The following MME variants were observed in gnomAD, a reference collection of about 807,000 sequenced individuals.
MME encodes neprilysin.
Under a neutral mutation model 113.2 loss-of-function variants are expected in MME, and 98 were observed. The ratio of observed to expected loss-of-function variants is 0.87; its 90% CI spans 0.74 to 1.02. The LOEUF (loss-of-function observed/expected upper bound fraction) is 1.02. Among genes scored for constraint, MME ranks in the 50% least tolerant of loss-of-function variants. MME has a pLI of 0.00. For synonymous variants in MME, 292 were observed against 300.6 expected, an observed-to-expected ratio of 0.97 and a Z score of 0.30; for missense variants, 836 against 896.0, an observed-to-expected ratio of 0.93 and a Z score of 0.86.
intron 16 of MME, chr3:155,159,094 G>A (rs572929108): frequency 6.6e-6 from 1 of 151,956 alleles, no homozygotes; most frequent in African/African-American, 2.4e-5. Flanking sequence ...GAATTTATCA[G>A]TCAGTTGTTA....
At chr3:155,153,066 T>TCACTCTGTCACCCAGGTTGGAGTGC (rs1722053013) in intron 16 of MME, among the ~76,000 whole-genome samples, 1 of 150,990 alleles carries the variant, frequency 6.6e-6, no homozygotes, top group Admixed American at 6.6e-5. Flanking sequence ...AGACGGAGTC[T>TCACTCTGTCACCCAGGTTGGAGTGC]CACTCTGTCA....
In MME at chr3:155,168,809, A is replaced by C; in HGVS notation, c.1980+12A>C. The stretch of plus-strand genomic sequence containing the variant: ...GTCAAGCATACAGAGTAAGTAAAAA[A>C]GATTTTCTTTCCATTTTAGTGATTT... On this transcript the variant is annotated intron_variant, in intron 20 of 22. Transcript: ENST00000360490. The C allele has an allele frequency of 6.2e-7, 1 of 1,602,842 alleles. No homozygotes were observed. The highest frequency in any genetic ancestry group is 2.2e-5 in the East Asian group (1 of 44,704).
intron 1 of MME, among the ~76,000 whole-genome samples, chr3:155,038,378 C>G (rs1032693654): frequency 6.6e-6 from 1 of 152,190 alleles, no homozygotes; most frequent in Non-Finnish European, 1.5e-5. Context: ...CCCACCAACC[C>G]TGGCTCTGCT....
intron 1 of MME, among the ~76,000 whole-genome samples, chr3:155,036,689 C>A (rs1450750997): frequency 6.6e-6 from 1 of 151,966 alleles, no homozygotes; most frequent in Non-Finnish European, 1.5e-5. Flanking sequence ...TAATGTGTAA[C>A]AAATATTTTC....
intron 1 of MME, among the ~76,000 whole-genome samples, chr3:155,042,900 T>TTATATATATATATATATA (rs1159626877): frequency 1.3e-4 from 8 of 62,954 alleles, no homozygotes; most frequent in Non-Finnish European, 2.0e-4. Context: ...ATAGTAGGTT[T>TTATATATATATATATATA]TATATATATA....
chr3:155,138,377 C>A, intron 9 of MME, 141 bp downstream of exon 9: 2 of 796,418 alleles, frequency 2.5e-6, no homozygotes, highest in Non-Finnish European at 4.0e-6. Flanking sequence ...AGATCATTGA[C>A]TTCAAAAGGA....
intron 8 of MME, among the ~76,000 whole-genome samples, chr3:155,119,737 C>T (rs1718958617): frequency 1.3e-5 from 2 of 150,040 alleles, no homozygotes; most frequent in East Asian, 2.0e-4. Context: ...CTACAAAGGA[C>T]ATGAACTCAT....
At position 155,147,128 on chromosome 3, in the gene MME, A is replaced by G. The variant is rs199987513; in HGVS notation, c.1417-16A>G. 2 of 1,501,680 alleles carry G rather than the reference A, an allele frequency of 1.3e-6. No homozygotes were observed. Among genetic ancestry groups the G allele is most frequent in the Non-Finnish European group, 1.9e-6 (2 of 1,077,730 alleles). 93.0% of individuals were successfully genotyped at this position (1,501,680 alleles called of 1,614,324 possible). A position where few individuals can be genotyped will look rare whatever the true frequency, so the allele number is the denominator to read the frequency against. ...TTATATAATCATCTTCACATTCAAT[A>G]TTATAATTTTCATAGGCCTTAGCAA... On this transcript the variant is annotated splice_polypyrimidine_tract_variant and intron_variant, in intron 14 of 22. Coordinates refer to ENST00000360490, the MANE Select transcript of MME (RefSeq NM_007289.4).
intron 16 of MME, chr3:155,158,285 C>T (rs983643351): frequency 2.6e-5 from 4 of 151,972 alleles, no homozygotes; most frequent in African/African-American, 9.7e-5. Flanking sequence ...ACCAGAAGTT[C>T]GCAATTGAGA....
chr3:155,124,151 C>T (rs1330704195), intron 8 of MME, among the ~76,000 whole-genome samples: 1 of 150,180 alleles, frequency 6.7e-6, no homozygotes, highest in Non-Finnish European at 1.5e-5. Context: ...CTTCCCTTCT[C>T]GCTTCATTTC....
At position 155,143,344 on chromosome 3, in the gene MME, T is replaced by C. The variant is rs976940934; in HGVS notation, c.1189-99T>C. 3 of 1,390,962 alleles carry C rather than the reference T, an allele frequency of 2.2e-6. No homozygotes were observed. In the African/African-American group the frequency reaches 4.3e-5, roughly 20 times the overall value. 86.2% of individuals were successfully genotyped at this position (1,390,962 alleles called of 1,614,324 possible). A position where few individuals can be genotyped will look rare whatever the true frequency, so the allele number is the denominator to read the frequency against. ...GCCTTGTGAGGAGAAGTGATGAATA[T>C]TTCAAGAACTTAGATGAGACATTTG... is the stretch of plus-strand genomic sequence containing the variant. On this transcript the variant is annotated intron_variant, in intron 12 of 22. Transcript: ENST00000360490.
intron 3 of MME, among the ~76,000 whole-genome samples, chr3:155,108,771 C>G (rs548534255): frequency 2.6e-5 from 4 of 152,206 alleles, no homozygotes; most frequent in African/African-American, 9.6e-5. Flanking sequence ...AACCCTCCCC[C>G]CTCCACCAGA....
chr3:155,082,783 A>G (rs1360139722), intron 1 of MME, among the ~76,000 whole-genome samples: 1 of 152,150 alleles, frequency 6.6e-6, no homozygotes, highest in Non-Finnish European at 1.5e-5. Context: ...TTCACTGGGA[A>G]GGTTAATTTC....
intron 1 of MME, among the ~76,000 whole-genome samples, chr3:155,063,291 ATAT>A (rs1222229034): frequency 1.8e-5 from 2 of 112,998 alleles, no homozygotes; most frequent in East Asian, 2.4e-4. Flanking sequence ...TAATATATAC[ATAT>A]TATATAAAGA....
intron 17 of MME, among the ~76,000 whole-genome samples, chr3:155,161,029 G>GT (rs1157212336): frequency 6.6e-6 from 1 of 152,024 alleles, no homozygotes; most frequent in Non-Finnish European, 1.5e-5. Context: ...AATTTCGTAA[G>GT]TTCGCTTATA....
intron 16 of MME, among the ~76,000 whole-genome samples, chr3:155,151,148 CT>C (rs1218496577): frequency 6.6e-6 from 1 of 152,066 alleles, no homozygotes; most frequent in Non-Finnish European, 1.5e-5. Flanking sequence ...CAAGTCCTTG[CT>C]GTGTATGTTT....
chr3:155,072,529 A>T (rs1345100293), intron 1 of MME, among the ~76,000 whole-genome samples: 2 of 151,852 alleles, frequency 1.3e-5, no homozygotes, highest in African/African-American at 4.8e-5. Flanking sequence ...GCAACTGGTT[A>T]TTTTGTATTC....
At chr3:155,089,724 T>C in intron 3 of MME, 1 of 335,922 alleles carries the variant, frequency 3.0e-6, no homozygotes, top group Non-Finnish European at 6.2e-6. Context: ...ATGCCTGTAA[T>C]CCCAGCACTT....
chr3:155,078,007 C>G (rs909907049), upstream of MME, among the ~76,000 whole-genome samples: 1 of 122,844 alleles, frequency 8.1e-6, no homozygotes, highest in Non-Finnish European at 1.8e-5. Flanking sequence ...GAGTTTGAGA[C>G]CAGCCTGGCC....
Sources: gnomAD v4.1 joint callset for allele counts (sites outside exome capture counted in the v4.1 genomes callset) on GRCh38, gnomAD v4.1.1 for gene constraint, MANE v1.5 for transcripts, NCBI Gene and HGNC (gene_info 2026-07-23, HGNC 2026-07-21) for gene names.